VMA22: variants seen among roughly 807,000 people sequenced by gnomAD.
The protein encoded by VMA22 is vacuolar ATPase assembly protein VMA22.
the VMA22 span, chr2:130,339,433 T>C: frequency 5.6e-6 from 8 of 1,419,120 alleles, no homozygotes; most frequent in Non-Finnish European, 7.4e-6. Context: ...TGCTAAAATG[T>C]CACCTCCTTA....
At chr2:130,338,889 T>C in the VMA22 span, 9 of 532,560 alleles carry the variant, frequency 1.7e-5, no homozygotes, top group Non-Finnish European at 2.7e-5. Flanking sequence ...GAGTGTGTCC[T>C]ATGGGAACTC....
the VMA22 span, chr2:130,342,164 C>T: frequency 6.2e-7 from 1 of 1,607,642 alleles, no homozygotes; most frequent in African/African-American, 1.3e-5. Flanking sequence ...TCTTCCTTGT[C>T]ACCCTCCGCA....
the VMA22 span, chr2:130,339,092 C>T: frequency 1.2e-4 from 188 of 1,553,230 alleles, 4 homozygotes; most frequent in South Asian, 2.0e-3. Context: ...AACAGCTGTG[C>T]TCGCTGCCCT....
chr2:130,342,145 G>C, the VMA22 span: 2 of 1,612,514 alleles, frequency 1.2e-6, no homozygotes, highest in Middle Eastern at 1.6e-4. Flanking sequence ...TCCAGATCTG[G>C]AGCCACCTTC....
the VMA22 span, chr2:130,342,351 G>C: frequency 2.6e-6 from 2 of 760,154 alleles, no homozygotes; most frequent in African/African-American, 3.5e-5. Context: ...CCCCCAAGTG[G>C]ATCAGCCTGC....
At chr2:130,340,103 G>A in the VMA22 span, 1 of 179,142 alleles carries the variant, frequency 5.6e-6, no homozygotes, top group Admixed American at 5.5e-5. Context: ...CATCCTCCCA[G>A]GGGTTCTGGG....
the VMA22 span, chr2:130,341,801 G>GGGGGGGGGGGCCCCCCCCCCCCCCCCC: frequency 7.3e-7 from 1 of 1,378,140 alleles, no homozygotes; most frequent in Non-Finnish European, 9.9e-7. Flanking sequence ...CCTAGAACGC[G>GGGGGGGGGGGCCCCCCCCCCCCCCCCC]CCCGCCCGCC....
the VMA22 span, chr2:130,342,628 G>T: frequency 4.2e-6 from 2 of 477,086 alleles, no homozygotes; most frequent in Non-Finnish European, 3.8e-6. Context: ...TCTGCACGGC[G>T]GTGGTGGGGG....
chr2:130,338,258 T>C, the VMA22 span: 3 of 152,362 alleles, frequency 2.0e-5, no homozygotes, highest in East Asian at 3.9e-4. Flanking sequence ...GTGGTTACCA[T>C]AGCTTTTACT....
At chr2:130,338,694 T>G in the VMA22 span, 1 of 171,716 alleles carries the variant, frequency 5.8e-6, no homozygotes, top group Non-Finnish European at 1.2e-5. Flanking sequence ...CATATTGTCC[T>G]GATCTTTTGG....
chr2:130,342,300 A>C, the VMA22 span: 12 of 1,280,844 alleles, frequency 9.4e-6, no homozygotes, highest in Non-Finnish European at 1.3e-5. Flanking sequence ...CCCTTAGAGA[A>C]GCAGCACGGA....
At chr2:130,339,112 C>T in the VMA22 span, 14 of 1,605,362 alleles carry the variant, frequency 8.7e-6, no homozygotes, top group African/African-American at 2.7e-5. Flanking sequence ...TGCCTCTTTG[C>T]GCGCATGTCA....
At chr2:130,339,121 C>T in the VMA22 span, 9 of 1,612,472 alleles carry the variant, frequency 5.6e-6, no homozygotes, top group Non-Finnish European at 8.5e-7. Flanking sequence ...GCGCGCATGT[C>T]AGGCAGCCCC....
the VMA22 span, chr2:130,340,735 C>A: frequency 1.4e-6 from 1 of 710,372 alleles, no homozygotes; most frequent in Non-Finnish European, 2.4e-6. Context: ...CGAATGCTGC[C>A]AACAACCAGT....
chr2:130,342,231 T>TG, the VMA22 span: 4 of 1,550,604 alleles, frequency 2.6e-6, no homozygotes, highest in East Asian at 4.9e-5. Flanking sequence ...CGTTCCCATC[T>TG]GGGGATCCCC....
chr2:130,342,155 C>T, the VMA22 span: 2 of 1,611,294 alleles, frequency 1.2e-6, no homozygotes, highest in South Asian at 1.1e-5. Context: ...GAGCCACCTT[C>T]TTCCTTGTCA....
At chr2:130,342,107 G>A in the VMA22 span, 65 of 1,613,446 alleles carry the variant, frequency 4.0e-5, no homozygotes, top group Non-Finnish European at 5.3e-5. Context: ...AGCTCCGCTC[G>A]CAGGTCAAGC....
the VMA22 span, among the ~76,000 whole-genome samples, chr2:130,338,012 C>CT: frequency 6.6e-6 from 1 of 152,198 alleles, no homozygotes; most frequent in South Asian, 2.1e-4. Context: ...TAGGTTTACA[C>CT]TGGGAGTTAG....
At chr2:130,340,698 C>T in the VMA22 span, 2 of 603,386 alleles carry the variant, frequency 3.3e-6, no homozygotes, top group Non-Finnish European at 5.9e-6. Flanking sequence ...TTGTTCCCTG[C>T]TGTATCCCCA....
Sources: gnomAD v4.1 joint callset for allele counts (sites outside exome capture counted in the v4.1 genomes callset) on GRCh38, gnomAD v4.1.1 for gene constraint, MANE v1.5 for transcripts, NCBI Gene and HGNC (gene_info 2026-07-23, HGNC 2026-07-21) for gene names.